Variants in NTRK2 observed in about 807,000 individuals in gnomAD.
NTRK2 encodes the protein neurotrophic receptor tyrosine kinase 2, also known as BDNF/NT-3 growth factors receptor.
A neutral mutation model predicts 94.5 loss-of-function variants in NTRK2; 13 were observed. That is an observed-to-expected ratio of 0.14 (90% CI 0.09 to 0.22). The LOEUF is 0.22. Ranked by LOEUF, NTRK2 falls within the 10% of genes least tolerant of loss-of-function variation. The probability of loss-of-function intolerance (pLI) is 1.00; values close to 1 mark genes in which losing one functional copy is unlikely to be tolerated. For synonymous variants in NTRK2, 372 were observed against 407.4 expected (o/e 0.91, Z 1.05); for missense variants, 639 against 1,071.2 (o/e 0.60, Z 5.63).
intron 14 of NTRK2, chr9:84,873,449 A>G (rs1587776096): frequency 1.9e-6 from 2 of 1,059,358 alleles, no homozygotes; most frequent in Non-Finnish European, 2.3e-6. Flanking sequence ...TTCATGGCAC[A>G]TTGCTGCTGT....
At chr9:84,797,586 C>CTATATATTATATATATTATATATAA (rs1564296847) in intron 12 of NTRK2, among the ~76,000 whole-genome samples, 2 of 51,496 alleles carry the variant, frequency 3.9e-5, no homozygotes, top group African/African-American at 9.3e-5. Context: ...ATTATATATA[C>CTATATATTATATATATTATATATAA]TATATATACT....
intron 15 of NTRK2, among the ~76,000 whole-genome samples, chr9:84,943,812 T>G (rs1215191558): frequency 6.6e-6 from 1 of 152,140 alleles, no homozygotes; most frequent in Non-Finnish European, 1.5e-5. Context: ...TAGCAGGATT[T>G]TCCAGCTTCT....
intron 12 of NTRK2, among the ~76,000 whole-genome samples, chr9:84,834,557 C>A (rs1158359486): frequency 6.6e-6 from 1 of 152,120 alleles, no homozygotes; most frequent in Non-Finnish European, 1.5e-5. Flanking sequence ...CTAGGAACCC[C>A]TAGAAGCATT....
chr9:84,972,281 A>G (rs1826278088), intron 17 of NTRK2, among the ~76,000 whole-genome samples: 2 of 152,218 alleles, frequency 1.3e-5, no homozygotes, highest in Non-Finnish European at 2.9e-5. Flanking sequence ...AAGAGGAACT[A>G]AGAACGAGAG....
At chr9:84,807,609 C>T (rs1588734980) in intron 12 of NTRK2, among the ~76,000 whole-genome samples, 1 of 152,312 alleles carries the variant, frequency 6.6e-6, no homozygotes, top group South Asian at 2.1e-4. Context: ...ATTTCAGGCT[C>T]ATAAGCTAGA....
intron 14 of NTRK2, among the ~76,000 whole-genome samples, chr9:84,915,180 C>A (rs758671462): frequency 6.6e-6 from 1 of 152,094 alleles, no homozygotes; most frequent in Admixed American, 6.5e-5. Flanking sequence ...GCCTGCTGTG[C>A]GGCCCAGTTC....
Position 84,852,250 on chromosome 9 carries a change from G to T in NTRK2, c.1397-8790G>T, listed in dbSNP as rs573515763. ...CAGCCAGCTTCCTCCGCAAAGACTT[G>T]CCCTGAGTGCTAACCAGCATGGCTT... On this transcript the variant is annotated intron_variant, in intron 12 of 18. Coordinates refer to ENST00000277120, the MANE Select transcript of NTRK2 (RefSeq NM_006180.6). 3.3e-4 allele frequency among the ~76,000 whole-genome samples: 51 copies of T among 152,318 alleles called. 1 individual carries two copies. In the East Asian group the frequency reaches 9.3e-3, roughly 28 times the overall value.
At chr9:84,954,528 G>A (rs1409249974) in intron 16 of NTRK2, among the ~76,000 whole-genome samples, 2 of 152,262 alleles carry the variant, frequency 1.3e-5, no homozygotes, top group Non-Finnish European at 2.9e-5. Flanking sequence ...ACAGGCTGTG[G>A]TTCAAAAGAG....
chr9:85,021,505 T>A lies in NTRK2; in HGVS notation c.*68T>A, dbSNP rs2118027469. On this transcript the variant is annotated 3_prime_UTR_variant, in exon 19 of 19. Transcript: ENST00000277120. ...ACGGGCTGAGAGGATGAACATCTTT[T>A]AACTGCCGCTGGAGGCCACCAAGCT... is the stretch of plus-strand genomic sequence containing the variant. The A allele has an allele frequency of 6.6e-7, 1 of 1,515,706 alleles. No homozygotes were observed. Among genetic ancestry groups the A allele is most frequent in the South Asian group, 1.1e-5 (1 of 88,696 alleles). The allele number at this position is 1,515,706 out of a possible 1,614,324, so 93.9% of individuals were successfully genotyped here.
At chr9:84,953,488 A>G (rs184568918) in intron 16 of NTRK2, among the ~76,000 whole-genome samples, 2 of 152,306 alleles carry the variant, frequency 1.3e-5, no homozygotes, top group East Asian at 3.9e-4. Flanking sequence ...GTAGGACAGG[A>G]TCCAAATTCA....
At chr9:84,953,498 AT>A (rs1823728115) in intron 16 of NTRK2, among the ~76,000 whole-genome samples, 1 of 152,206 alleles carries the variant, frequency 6.6e-6, no homozygotes, top group Non-Finnish European at 1.5e-5. Flanking sequence ...ATCCAAATTC[AT>A]TTCACATATC....
At position 84,813,351 on chromosome 9, in the gene NTRK2, C is replaced by T. The variant is rs553800031; in HGVS notation, c.1397-47689C>T. 4 of 1,031,944 alleles carry T rather than the reference C, an allele frequency of 3.9e-6. No individual in the cohort carries two copies. In the South Asian group the frequency reaches 1.9e-4, roughly 48 times the overall value. 63.9% of individuals were successfully genotyped at this position (1,031,944 alleles called of 1,614,324 possible). ...GAAACCTGGATTTCGTGTGAAATGT[C>T]CCGATTGTTAAAAAGTTGGCTCAAT... On this transcript the variant is annotated intron_variant, in intron 12 of 18. Coordinates refer to ENST00000277120, the MANE Select transcript of NTRK2 (RefSeq NM_006180.6).
chr9:84,986,535 TC>T (rs1828331260), intron 17 of NTRK2, among the ~76,000 whole-genome samples: 1 of 152,172 alleles, frequency 6.6e-6, no homozygotes, highest in African/African-American at 2.4e-5. Context: ...GTGGCCCAGT[TC>T]CTAACAGGAC....
intron 12 of NTRK2, among the ~76,000 whole-genome samples, chr9:84,854,979 GAGA>G (rs1218182727): frequency 7.1e-6 from 1 of 139,902 alleles, no homozygotes; most frequent in Admixed American, 7.1e-5. Flanking sequence ...AAAAAAGCTT[GAGA>G]AGAAGATTCT....
intron 12 of NTRK2, among the ~76,000 whole-genome samples, chr9:84,844,140 G>A (rs984065385): frequency 1.3e-5 from 2 of 152,140 alleles, no homozygotes; most frequent in Admixed American, 1.3e-4. Flanking sequence ...AGGGGAGGAA[G>A]AGGATCCTAG....
chr9:85,011,570 C>T (rs145053491), intron 17 of NTRK2, among the ~76,000 whole-genome samples: 1 of 152,282 alleles, frequency 6.6e-6, no homozygotes, highest in East Asian at 1.9e-4. Context: ...GACTTCCCTC[C>T]ATGTGAGGGC....
chr9:84,992,978 C>T (rs1401020062), intron 17 of NTRK2, among the ~76,000 whole-genome samples: 1 of 151,100 alleles, frequency 6.6e-6, no homozygotes, highest in Non-Finnish European at 1.5e-5. Context: ...CTTAGTGAAA[C>T]CTCTCTGGAA....
intron 17 of NTRK2, among the ~76,000 whole-genome samples, chr9:84,957,209 C>G (rs1324077357): frequency 1.3e-5 from 2 of 152,144 alleles, no homozygotes; most frequent in Non-Finnish European, 2.9e-5. Context: ...AAGGCTTTCT[C>G]TCTGCAGTAT....
chr9:84,831,481 G>A (rs184155149), intron 12 of NTRK2, among the ~76,000 whole-genome samples: 1 of 152,270 alleles, frequency 6.6e-6, no homozygotes, highest in Non-Finnish European at 1.5e-5. Context: ...TATGCCCGTG[G>A]TACATTGGTG....
Sources: gnomAD v4.1 joint callset for allele counts (sites outside exome capture counted in the v4.1 genomes callset) on GRCh38, gnomAD v4.1.1 for gene constraint, MANE v1.5 for transcripts, NCBI Gene and HGNC (gene_info 2026-07-23, HGNC 2026-07-21) for gene names.